Variants in ARK2C observed in about 807,000 individuals in gnomAD.
The protein encoded by ARK2C is arkadia (RNF111) C-terminal like ring finger ubiquitin ligase 2C.
chr18:46,433,598 C>A, the ARK2C span: 2 of 1,169,778 alleles, frequency 1.7e-6, no homozygotes, highest in Non-Finnish European at 2.4e-6. Flanking sequence ...GAGGGCGTGG[C>A]CCGGGTGTGG....
At chr18:46,403,620 G>A in the ARK2C span, among the ~76,000 whole-genome samples, 8 of 152,294 alleles carry the variant, frequency 5.3e-5, no homozygotes, top group East Asian at 1.5e-3. Context: ...GCTCACAACT[G>A]TAATCCCAGC....
chr18:46,364,359 G>A, the ARK2C span, among the ~76,000 whole-genome samples: 2 of 150,478 alleles, frequency 1.3e-5, no homozygotes, highest in Admixed American at 6.6e-5. Context: ...ATTCACAGAA[G>A]TTAACAACAT....
chr18:46,386,775 A>G, the ARK2C span: 1 of 152,226 alleles, frequency 6.6e-6, no homozygotes, highest in Non-Finnish European at 1.5e-5. Context: ...GGAGCTGGAC[A>G]TGCGGCTCTC....
the ARK2C span, among the ~76,000 whole-genome samples, chr18:46,346,581 G>A: frequency 1.3e-5 from 2 of 152,140 alleles, no homozygotes; most frequent in African/African-American, 4.8e-5. Context: ...TACCAGCTGC[G>A]GGACTTTGGC....
the ARK2C span, among the ~76,000 whole-genome samples, chr18:46,404,975 G>A: frequency 6.6e-6 from 1 of 152,104 alleles, no homozygotes; most frequent in African/African-American, 2.4e-5. Flanking sequence ...GCTCCGTTTG[G>A]CTCCAAAGTC....
chr18:46,357,970 C>T, the ARK2C span, among the ~76,000 whole-genome samples: 66 of 152,174 alleles, frequency 4.3e-4, no homozygotes, highest in Non-Finnish European at 2.8e-4. Context: ...CTCCAGTCTC[C>T]GCCTCTGTTG....
At chr18:46,403,986 G>A in the ARK2C span, among the ~76,000 whole-genome samples, 1 of 152,170 alleles carries the variant, frequency 6.6e-6, no homozygotes, top group Non-Finnish European at 1.5e-5. Flanking sequence ...GGATTCTACT[G>A]CCCTGTGTGA....
the ARK2C span, among the ~76,000 whole-genome samples, chr18:46,376,664 CT>C: frequency 0.032 from 2,271 of 71,964 alleles, 12 homozygotes; most frequent in Middle Eastern, 0.089. Flanking sequence ...GGTTAATAAT[CT>C]TTTTTTTTTT....
the ARK2C span, among the ~76,000 whole-genome samples, chr18:46,406,834 A>T: frequency 6.6e-6 from 1 of 152,150 alleles, no homozygotes; most frequent in Admixed American, 6.5e-5. Flanking sequence ...CTGGGAGCGG[A>T]TGGTGAGGGC....
chr18:46,449,001 G>GT, the ARK2C span, among the ~76,000 whole-genome samples: 1 of 152,148 alleles, frequency 6.6e-6, no homozygotes, highest in Admixed American at 6.5e-5. Context: ...CATGCTTTGT[G>GT]TATGAAGCAC....
chr18:46,390,454 C>A, the ARK2C span, among the ~76,000 whole-genome samples: 3 of 152,208 alleles, frequency 2.0e-5, no homozygotes, highest in Non-Finnish European at 4.4e-5. Context: ...TGTTTGAAGA[C>A]GGGTCACTGC....
chr18:46,357,260 G>A, the ARK2C span, among the ~76,000 whole-genome samples: 1 of 152,292 alleles, frequency 6.6e-6, no homozygotes, highest in East Asian at 1.9e-4. Flanking sequence ...GGTAACAGTG[G>A]TCAGTACCCA....
the ARK2C span, among the ~76,000 whole-genome samples, chr18:46,397,972 GT>G: frequency 4.0e-5 from 6 of 148,286 alleles, no homozygotes; most frequent in African/African-American, 1.0e-4. Context: ...GTGTGTGTGT[GT>G]GGTCATGCGG....
the ARK2C span, among the ~76,000 whole-genome samples, chr18:46,368,451 C>A: frequency 1.3e-5 from 2 of 152,198 alleles, no homozygotes; most frequent in Non-Finnish European, 2.9e-5. Flanking sequence ...GAAGAGCTGG[C>A]AGAAGCTCAT....
chr18:46,352,760 T>C, the ARK2C span, among the ~76,000 whole-genome samples: 1 of 152,282 alleles, frequency 6.6e-6, no homozygotes, highest in East Asian at 1.9e-4. Context: ...CACCCTTAGC[T>C]GTAAAGGAAG....
At chr18:46,399,495 C>A in the ARK2C span, among the ~76,000 whole-genome samples, 1 of 152,152 alleles carries the variant, frequency 6.6e-6, no homozygotes, top group African/African-American at 2.4e-5. Context: ...GGGATTTGCT[C>A]GTGTTGCTGT....
the ARK2C span, among the ~76,000 whole-genome samples, chr18:46,375,968 T>C: frequency 1.3e-5 from 2 of 152,176 alleles, no homozygotes; most frequent in African/African-American, 4.8e-5. Context: ...TTGCTTCCAT[T>C]TTCTTGTCTA....
the ARK2C span, among the ~76,000 whole-genome samples, chr18:46,410,283 A>G: frequency 3.9e-5 from 6 of 152,118 alleles, no homozygotes; most frequent in Non-Finnish European, 8.8e-5. Context: ...AGCTATCCCT[A>G]ATAAGAGAGA....
the ARK2C span, among the ~76,000 whole-genome samples, chr18:46,412,147 C>T: frequency 6.6e-6 from 1 of 152,244 alleles, no homozygotes; most frequent in Non-Finnish European, 1.5e-5. Context: ...CAGCCCCCTC[C>T]CCTCAAGGTT....
Sources: gnomAD v4.1 joint callset for allele counts (sites outside exome capture counted in the v4.1 genomes callset) on GRCh38, gnomAD v4.1.1 for gene constraint, MANE v1.5 for transcripts, NCBI Gene and HGNC (gene_info 2026-07-23, HGNC 2026-07-21) for gene names.